Variants in BCL11B observed in about 807,000 individuals in gnomAD.
BCL11B encodes the protein BCL11 transcription factor B.
BCL11B carries 8 observed loss-of-function variants against 49.9 expected under a neutral mutation model. That is an observed-to-expected ratio of 0.16 (90% confidence interval 0.09 to 0.29). BCL11B has a LOEUF of 0.29. Among genes scored for constraint, BCL11B ranks in the 10% least tolerant of loss-of-function variants. BCL11B has a pLI of 1.00. For missense variants in BCL11B, 1,006 were observed against 1,351.0 expected (o/e 0.74, Z 4.00); for synonymous variants, 739 against 637.4 (o/e 1.16, Z -2.40).
At chr14:99,235,424 C>T (rs1888467408) in intron 2 of BCL11B, among the ~76,000 whole-genome samples, 1 of 152,162 alleles carries the variant, frequency 6.6e-6, no homozygotes, top group East Asian at 1.9e-4. Context: ...CCCCCTCCCC[C>T]CATGCCAAGA....
At chr14:99,177,643 C>A (rs1248133100) in intron 3 of BCL11B, among the ~76,000 whole-genome samples, 2 of 150,870 alleles carry the variant, frequency 1.3e-5, no homozygotes, top group Admixed American at 6.6e-5. Context: ...CTCAAACTTT[C>A]ATCTACCTGG....
chr14:99,191,215 G>A (rs1295694633), intron 3 of BCL11B, among the ~76,000 whole-genome samples: 1 of 18,816 alleles, frequency 5.3e-5, no homozygotes, highest in Non-Finnish European at 3.6e-4. Flanking sequence ...AAGGGGCTTG[G>A]GCTTTGGGGT....
intron 3 of BCL11B, among the ~76,000 whole-genome samples, chr14:99,203,230 C>G (rs1040036510): frequency 4.0e-4 from 61 of 152,330 alleles, no homozygotes; most frequent in African/African-American, 1.5e-3. Context: ...GCCACATGGC[C>G]TGGCACCAAA....
At position 99,271,457 on chromosome 14, in the gene BCL11B, AG is replaced by A. The variant is rs1293230370; in HGVS notation, c.-240del. The A allele has an allele frequency of 4.5e-5, 11 of 244,778 alleles. No individual in the cohort carries two copies. The highest frequency in any genetic ancestry group is 2.4e-4 in the African/African-American group (10 of 41,436). The allele number at this position is 244,778 out of a possible 1,614,324, so 15.2% of individuals were successfully genotyped here. On this transcript the variant is annotated 5_prime_UTR_variant, in exon 1 of 4. Coordinates refer to ENST00000357195, the MANE Select transcript of BCL11B (RefSeq NM_138576.4). ...GCTGTTTTTTGTTTTGTTTGCAAAA[AG>A]AAAAAAAAGGGAAGAAAAGCAAGAA... is the stretch of plus-strand genomic sequence containing the variant.
At chr14:99,245,888 G>A (rs943589047) in intron 2 of BCL11B, among the ~76,000 whole-genome samples, 6 of 152,094 alleles carry the variant, frequency 3.9e-5, no homozygotes, top group African/African-American at 1.4e-4. Context: ...CCAGGGAAGG[G>A]GGCTGGCCCG....
intron 3 of BCL11B, among the ~76,000 whole-genome samples, chr14:99,196,838 C>T (rs1887192886): frequency 1.3e-5 from 2 of 152,168 alleles, no homozygotes; most frequent in Admixed American, 6.6e-5. Context: ...GAACACCGAG[C>T]ACCTTCACAT....
chr14:99,265,323 T>G (rs1889449228), intron 1 of BCL11B, among the ~76,000 whole-genome samples: 1 of 152,142 alleles, frequency 6.6e-6, no homozygotes, highest in African/African-American at 2.4e-5. Flanking sequence ...CCTCCCCAGA[T>G]GTGAAGCCAA....
intron 3 of BCL11B, among the ~76,000 whole-genome samples, chr14:99,201,962 G>C (rs767429645): frequency 1.3e-5 from 2 of 152,082 alleles, no homozygotes; most frequent in Non-Finnish European, 2.9e-5. Context: ...GGAAGGAGTC[G>C]GGGCATCAGC....
intron 3 of BCL11B, among the ~76,000 whole-genome samples, chr14:99,178,192 T>C (rs1886595537): frequency 6.6e-6 from 1 of 152,348 alleles, no homozygotes; most frequent in East Asian, 1.9e-4. Flanking sequence ...ATAGGGATTC[T>C]TTCCCTCTCC....
chr14:99,206,687 T>C (rs983012628), intron 3 of BCL11B, among the ~76,000 whole-genome samples: 3 of 152,272 alleles, frequency 2.0e-5, no homozygotes, highest in Admixed American at 2.0e-4. Flanking sequence ...GCTGGCATAT[T>C]GTTCCAACTG....
intron 2 of BCL11B, among the ~76,000 whole-genome samples, chr14:99,237,610 C>T (rs1464201463): frequency 6.6e-6 from 1 of 152,168 alleles, no homozygotes; most frequent in Non-Finnish European, 1.5e-5. Flanking sequence ...GTCTCTAGTC[C>T]CTTGTTGCCA....
intron 3 of BCL11B, among the ~76,000 whole-genome samples, chr14:99,176,612 C>A (rs558455417): frequency 1.3e-5 from 2 of 152,344 alleles, no homozygotes; most frequent in East Asian, 1.9e-4. Context: ...GCTCCACACC[C>A]GAAACCATCT....
At chr14:99,219,813 T>TTA (rs375030428) in intron 3 of BCL11B, among the ~76,000 whole-genome samples, 3 of 144,810 alleles carry the variant, frequency 2.1e-5, no homozygotes, top group African/African-American at 7.5e-5. Flanking sequence ...AAATAAAAAT[T>TTA]AAAAAAAAAA....
At chr14:99,268,490 A>G (rs1889552195) in intron 1 of BCL11B, among the ~76,000 whole-genome samples, 1 of 152,204 alleles carries the variant, frequency 6.6e-6, no homozygotes, top group African/African-American at 2.4e-5. Flanking sequence ...AACTCCAAGT[A>G]GAGGATGCGA....
intron 3 of BCL11B, among the ~76,000 whole-genome samples, chr14:99,221,473 T>C (rs1377879764): frequency 6.6e-6 from 1 of 152,216 alleles, no homozygotes; most frequent in Non-Finnish European, 1.5e-5. Context: ...ACTGGCGTTC[T>C]AATTACCCGG....
chr14:99,262,456 C>T lies in BCL11B; in HGVS notation c.59-4617G>A, dbSNP rs1078050. Among the ~76,000 whole-genome samples, 35,319 of 151,856 alleles carry T rather than the reference C, an allele frequency of 0.23. 5,058 individuals are homozygous for T. The highest frequency in any genetic ancestry group is 0.4 in the African/African-American group (16,664 of 41,338). ...AGCTACAGTCCAGGAGAAACATACA[C>T]AGAATTATTGTTTCAGTGATGACGG... is the stretch of plus-strand genomic sequence containing the variant. On this transcript the variant is annotated intron_variant, in intron 1 of 3. Transcript: ENST00000357195. The surrounding 1 kb of genome is among the most constrained non-coding windows in gnomAD (Gnocchi z 4.2).
chr14:99,217,953 T>G (rs1267727907), intron 3 of BCL11B, among the ~76,000 whole-genome samples: 1 of 152,158 alleles, frequency 6.6e-6, no homozygotes, highest in Non-Finnish European at 1.5e-5. Flanking sequence ...AGAGCCAGTT[T>G]ACAAAAATAA....
rs911961339 is a variant in BCL11B at position 99,231,176 on chromosome 14, C to A, written c.640+169G>T. 1.3e-5 allele frequency among the ~76,000 whole-genome samples: 2 copies of A among 152,192 alleles called. No individual in the cohort carries two copies. Among genetic ancestry groups the A allele is most frequent in the Non-Finnish European group, 2.9e-5 (2 of 68,030 alleles). On this transcript the variant is annotated intron_variant, in intron 3 of 3. Coordinates refer to ENST00000357195, the MANE Select transcript of BCL11B (RefSeq NM_138576.4). The surrounding 1 kb of genome is among the most constrained non-coding windows in gnomAD (Gnocchi z 8.1). Reference sequence around the variant, plus strand: ...GGACTCCTGACCGAGGGGCACCGGGCCCTGGCTCATAGTTCAGCGAACATT... The same window carrying A: ...GGACTCCTGACCGAGGGGCACCGGGACCTGGCTCATAGTTCAGCGAACATT...
intron 3 of BCL11B, among the ~76,000 whole-genome samples, chr14:99,189,371 G>C (rs556167743): frequency 3.8e-4 from 58 of 152,334 alleles, no homozygotes; most frequent in South Asian, 4.1e-4. Flanking sequence ...AAGATGCACC[G>C]AACGCCACCA....
Sources: allele counts gnomAD v4.1 joint callset (sites outside exome capture counted in the v4.1 genomes callset), GRCh38; gene constraint gnomAD v4.1.1; non-coding constraint Gnocchi (gnomAD v3.1); transcripts MANE v1.5; gene names NCBI Gene and HGNC (gene_info 2026-07-23, HGNC 2026-07-21).